The following GALM variants were observed in gnomAD, a reference collection of about 807,000 sequenced individuals.
GALM encodes the protein aldose 1-epimerase.
In GALM, 43 loss-of-function variants were observed where a neutral mutation model predicts 37.4. The observed-to-expected ratio is 1.15, with a 90% CI of 0.90 to 1.48. The LOEUF is 1.48. GALM is among the 40% of genes most tolerant of loss of function. GALM has a pLI of 0.00. For synonymous variants in GALM, 199 were observed against 170.6 expected (o/e 1.17, Z -1.30); for missense variants, 456 against 419.1 (o/e 1.09, Z -0.77).
intron 4 of GALM, among the ~76,000 whole-genome samples, chr2:38,696,337 T>G (rs994415596): frequency 3.9e-5 from 6 of 152,082 alleles, no homozygotes; most frequent in Admixed American, 6.5e-5. Context: ...CAGGCTGGTC[T>G]TGAACTCCTG....
At chr2:38,694,995 C>T (rs1210826546) in intron 4 of GALM, among the ~76,000 whole-genome samples, 2 of 151,884 alleles carry the variant, frequency 1.3e-5, no homozygotes, top group East Asian at 3.9e-4. Context: ...TGACAGATCC[C>T]TTGTCTTTCT....
intron 3 of GALM, among the ~76,000 whole-genome samples, chr2:38,682,024 G>A (rs1485067235): frequency 6.6e-6 from 1 of 152,206 alleles, no homozygotes; most frequent in African/African-American, 2.4e-5. Flanking sequence ...GCTTAATAAA[G>A]GCATATTCTC....
intron 5 of GALM, 91 bp downstream of exon 5, chr2:38,729,788 G>T: frequency 7.5e-6 from 8 of 1,070,364 alleles, no homozygotes; most frequent in Non-Finnish European, 9.8e-6. Context: ...CATATCAATA[G>T]CATTTACTAT....
chr2:38,687,711 C>CG (rs1278844491), intron 3 of GALM, among the ~76,000 whole-genome samples: 1 of 145,454 alleles, frequency 6.9e-6, no homozygotes, highest in South Asian at 2.2e-4. Flanking sequence ...ACTCTGCCTC[C>CG]GAAAAAAAAA....
At chr2:38,685,176 A>G (rs1267838625) in intron 3 of GALM, among the ~76,000 whole-genome samples, 1 of 152,200 alleles carries the variant, frequency 6.6e-6, no homozygotes, top group East Asian at 1.9e-4. Context: ...AGTGTGGCCT[A>G]TGCTCTGCCT....
At chr2:38,726,120 T>C (rs1386449538) in intron 4 of GALM, among the ~76,000 whole-genome samples, 1 of 152,200 alleles carries the variant, frequency 6.6e-6, no homozygotes, top group Non-Finnish European at 1.5e-5. Context: ...AGTTCAACTA[T>C]GAATTCTGCC....
At chr2:38,702,018 C>T (rs1558588289) in intron 4 of GALM, among the ~76,000 whole-genome samples, 1 of 152,166 alleles carries the variant, frequency 6.6e-6, no homozygotes, top group Non-Finnish European at 1.5e-5. Context: ...AAATCTGTCT[C>T]CTCAGTATGT....
At chr2:38,679,006 A>G (rs1042411360) in intron 2 of GALM, among the ~76,000 whole-genome samples, 1 of 151,322 alleles carries the variant, frequency 6.6e-6, no homozygotes, top group Non-Finnish European at 1.5e-5. Flanking sequence ...TTATTTTTTG[A>G]CACGGAGTCT....
intron 3 of GALM, among the ~76,000 whole-genome samples, 177 bp downstream of exon 3, chr2:38,681,663 G>T (rs937626417): frequency 6.6e-6 from 1 of 152,262 alleles, no homozygotes; most frequent in Non-Finnish European, 1.5e-5. Context: ...TATAGAGAAA[G>T]ACAGAATGAT....
At chr2:38,678,405 A>C (rs1232319335) in intron 2 of GALM, among the ~76,000 whole-genome samples, 1 of 152,192 alleles carries the variant, frequency 6.6e-6, no homozygotes, top group Non-Finnish European at 1.5e-5. Context: ...TGGAAACTAC[A>C]GGCTCAGGGA....
intron 2 of GALM, among the ~76,000 whole-genome samples, chr2:38,679,103 C>G (rs974748754): frequency 6.6e-5 from 10 of 152,212 alleles, no homozygotes; most frequent in Non-Finnish European, 2.9e-5. Context: ...TCTCCTGCCT[C>G]AACCTCCCGA....
At chr2:38,678,143 A>G (rs1402013096) in intron 2 of GALM, among the ~76,000 whole-genome samples, 1 of 151,746 alleles carries the variant, frequency 6.6e-6, no homozygotes, top group Non-Finnish European at 1.5e-5. Flanking sequence ...CAGCCTCCCA[A>G]GTAGCTGGGA....
chr2:38,731,809 A>C lies in GALM; in HGVS notation c.851A>C (p.Asn284Thr). ...CCCGGGGTCCAGTTTTACACGGGCAACTTCCTGGATGGCACATTAAAGGGC... is the reference window on the plus strand; with the variant it reads ...CCCGGGGTCCAGTTTTACACGGGCACCTTCCTGGATGGCACATTAAAGGGC... ...TQPGVQFYTG[N>T]FLDGTLKGKN... Residue 284 changes from asparagine (N) to threonine (T), a missense_variant, in exon 6 of 7, where the codon AAC (asparagine) becomes ACC (threonine). By Grantham distance (65) the Asn-to-Thr change is moderately conservative (BLOSUM62 0). Coordinates refer to ENST00000272252, the MANE Select transcript of GALM (RefSeq NM_138801.3). The C allele has an allele frequency of 6.2e-7, 1 of 1,614,056 alleles. No individual in the cohort carries two copies. The highest frequency in any genetic ancestry group is 8.5e-7 in the Non-Finnish European group (1 of 1,179,934).
intron 4 of GALM, among the ~76,000 whole-genome samples, chr2:38,703,094 T>A (rs4347811): frequency 0.058 from 454 of 7,838 alleles, no homozygotes; most frequent in South Asian, 0.13. Flanking sequence ...ATATATATAT[T>A]TTTTTTTTTT....
At chr2:38,707,752 G>A (rs897152222) in intron 4 of GALM, among the ~76,000 whole-genome samples, 7 of 152,222 alleles carry the variant, frequency 4.6e-5, no homozygotes, top group South Asian at 2.1e-4. Context: ...TAGCTGAGTC[G>A]GAAGGATCAC....
chr2:38,678,723 G>T (rs1665319881), intron 2 of GALM, among the ~76,000 whole-genome samples: 1 of 152,166 alleles, frequency 6.6e-6, no homozygotes, highest in African/African-American at 2.4e-5. Flanking sequence ...GTAGGTGAAG[G>T]CAGAGACCTC....
At chr2:38,711,815 TCATCACTATC>T (rs1666173148) in intron 4 of GALM, among the ~76,000 whole-genome samples, 3 of 62,206 alleles carry the variant, frequency 4.8e-5, no homozygotes, top group Non-Finnish European at 7.4e-5. Context: ...ACCATCATCA[TCATCACTATC>T]ACCACCATCA....
chr2:38,703,333 C>T (rs535256213), intron 4 of GALM, among the ~76,000 whole-genome samples: 3 of 150,576 alleles, frequency 2.0e-5, no homozygotes, highest in Non-Finnish European at 3.0e-5. Context: ...CTCTAATTCC[C>T]GACCTCAGGT....
Position 38,733,800 on chromosome 2 carries a change from C to G in GALM, c.*235C>G. 1 of 506,048 alleles carries G rather than the reference C, an allele frequency of 2.0e-6. No homozygotes were observed. The highest frequency in any genetic ancestry group is 2.0e-5 in the South Asian group (1 of 49,748). The allele number at this position is 506,048 out of a possible 1,614,324, so 31.3% of individuals were successfully genotyped here. A position where few individuals can be genotyped will look rare whatever the true frequency, so the allele number is the denominator to read the frequency against. On this transcript the variant is annotated 3_prime_UTR_variant, in exon 7 of 7. Coordinates refer to ENST00000272252, the MANE Select transcript of GALM (RefSeq NM_138801.3). ...CAGTTCAGAGGGCAAGTGAACCCAA[C>G]CAACAATGTCGTCATCTAAGCCCTG...
Sources: allele counts gnomAD v4.1 joint callset (sites outside exome capture counted in the v4.1 genomes callset), GRCh38; gene constraint gnomAD v4.1.1; transcripts MANE v1.5; gene names NCBI Gene and HGNC (gene_info 2026-07-23, HGNC 2026-07-21).